MLIP: variants seen among roughly 807,000 people sequenced by gnomAD.
The protein encoded by MLIP is muscular LMNA interacting protein, also known as muscular LMNA-interacting protein.
MLIP carries 79 observed loss-of-function variants against 84.8 expected under a neutral mutation model. The ratio of observed to expected loss-of-function variants is 0.93; its 90% CI spans 0.78 to 1.12. The LOEUF (loss-of-function observed/expected upper bound fraction) is 1.12, where lower values mean the gene tolerates loss of function less well. Ranked by LOEUF, MLIP falls within the 50% of genes most tolerant of loss-of-function variation. MLIP has a pLI of 0.00. For synonymous variants in MLIP, 504 were observed against 463.0 expected (o/e 1.09, Z -1.14); for missense variants, 1,257 against 1,160.6 (o/e 1.08, Z -1.21).
chr6:54,047,725 A>G (rs1041914257), intron 1 of MLIP: 3 of 152,216 alleles, frequency 2.0e-5, no homozygotes, highest in Non-Finnish European at 4.4e-5. Flanking sequence ...AATGAAAACT[A>G]ATATCAACAA....
chr6:54,134,765 T>A (rs1039065577), intron 3 of MLIP, among the ~76,000 whole-genome samples: 2 of 152,038 alleles, frequency 1.3e-5, no homozygotes, highest in African/African-American at 2.4e-5. Context: ...ATAACTGAGT[T>A]TGTCATATAC....
intron 9 of MLIP, 99 bp downstream of exon 9, chr6:54,169,671 G>T (rs1210310256): frequency 1.4e-5 from 10 of 717,882 alleles, no homozygotes; most frequent in African/African-American, 1.3e-4. Flanking sequence ...AGAATTAATT[G>T]TTTTTTTATA....
intron 12 of MLIP, among the ~76,000 whole-genome samples, chr6:54,249,771 G>C (rs978287932): frequency 1.3e-5 from 2 of 150,526 alleles, no homozygotes; most frequent in African/African-American, 2.5e-5. Flanking sequence ...ATATACACAT[G>C]TATACACGTG....
chr6:54,191,104 C>G (rs1256893428), intron 10 of MLIP, among the ~76,000 whole-genome samples: 4 of 151,982 alleles, frequency 2.6e-5, no homozygotes, highest in Non-Finnish European at 2.9e-5. Context: ...CAAAGATTTT[C>G]TTAATATCTT....
Position 54,250,246 on chromosome 6 carries a change from T to G in MLIP, c.2923-7062T>G, listed in dbSNP as rs573755571. 2.0e-5 allele frequency among the ~76,000 whole-genome samples: 3 copies of G among 152,084 alleles called. No homozygotes were observed. The South Asian group carries it at 6.3e-4, about 32-fold the overall frequency. On this transcript the variant is annotated intron_variant, in intron 12 of 13. Coordinates refer to ENST00000502396, the MANE Select transcript of MLIP (RefSeq NM_001281747.2). ...CGAGGTCATGGAGAAAAAGAAACAC[T>G]TATACACTGTTGGTGGGAGTGCAAA...
intron 3 of MLIP, among the ~76,000 whole-genome samples, chr6:54,135,000 C>A (rs1771683269): frequency 6.6e-6 from 1 of 151,846 alleles, no homozygotes; most frequent in African/African-American, 2.4e-5. Flanking sequence ...AAAAAATTCC[C>A]TGGATACACT....
intron 4 of MLIP, among the ~76,000 whole-genome samples, chr6:54,143,536 A>G (rs1034517636): frequency 6.6e-6 from 1 of 152,168 alleles, no homozygotes; most frequent in Non-Finnish European, 1.5e-5. Context: ...GGGAGTGTGC[A>G]GTTTAACTCA....
chr6:54,210,438 TCATTA>T (rs1779365320), intron 11 of MLIP, among the ~76,000 whole-genome samples: 1 of 152,172 alleles, frequency 6.6e-6, no homozygotes, highest in Admixed American at 6.5e-5. Context: ...ATCCTAAAAT[TCATTA>T]GAAGAACTTG....
intron 10 of MLIP, among the ~76,000 whole-genome samples, chr6:54,199,377 G>T (rs1195386858): frequency 6.6e-6 from 1 of 152,054 alleles, no homozygotes; most frequent in Non-Finnish European, 1.5e-5. Context: ...GAATTTACAA[G>T]AAATTGATGA....
chr6:54,249,983 TC>T (rs1782356835), intron 12 of MLIP, among the ~76,000 whole-genome samples: 1 of 151,942 alleles, frequency 6.6e-6, no homozygotes, highest in African/African-American at 2.4e-5. Flanking sequence ...CAGTGTCTGT[TC>T]CCTTTTATGT....
At chr6:54,133,945 A>G (rs1771597991) in intron 3 of MLIP, among the ~76,000 whole-genome samples, 1 of 152,156 alleles carries the variant, frequency 6.6e-6, no homozygotes, top group Non-Finnish European at 1.5e-5. Flanking sequence ...TGGTAGCTCT[A>G]GAGAGGTGTT....
chr6:54,117,851 C>T (rs1360584782), intron 1 of MLIP, among the ~76,000 whole-genome samples: 1 of 151,898 alleles, frequency 6.6e-6, no homozygotes, highest in East Asian at 2.0e-4. Context: ...AAGGCTGAAG[C>T]AGGAGAATGG....
intron 12 of MLIP, among the ~76,000 whole-genome samples, chr6:54,249,501 C>T (rs1223444524): frequency 4.0e-5 from 6 of 151,342 alleles, no homozygotes; most frequent in Admixed American, 2.0e-4. Flanking sequence ...ATATTTCTAT[C>T]GAGAGGAGCT....
intron 9 of MLIP, among the ~76,000 whole-genome samples, chr6:54,177,775 C>T (rs1000318338): frequency 1.3e-5 from 2 of 152,062 alleles, no homozygotes; most frequent in Non-Finnish European, 2.9e-5. Context: ...TTCACAATAG[C>T]AAAAAGATAG....
intron 1 of MLIP, among the ~76,000 whole-genome samples, chr6:54,026,350 G>A (rs1046114249): frequency 2.0e-5 from 3 of 152,130 alleles, no homozygotes; most frequent in East Asian, 1.9e-4. Context: ...AATAGTAACC[G>A]TGAATCCTGA....
chr6:54,235,763 G>A (rs528267840), intron 12 of MLIP, among the ~76,000 whole-genome samples: 8 of 152,280 alleles, frequency 5.3e-5, no homozygotes, highest in African/African-American at 1.9e-4. Context: ...TTTTATTGAA[G>A]GCTATATCCA....
chr6:54,136,331 T>C (rs1049883236), intron 3 of MLIP, among the ~76,000 whole-genome samples: 1 of 152,184 alleles, frequency 6.6e-6, no homozygotes, highest in Admixed American at 6.5e-5. Context: ...ATTCTTACAA[T>C]AGAAGAAAAT....
intron 12 of MLIP, among the ~76,000 whole-genome samples, chr6:54,233,005 C>T (rs577097444): frequency 1.1e-4 from 16 of 152,284 alleles, no homozygotes; most frequent in Middle Eastern, 6.8e-3. Context: ...TAAATCTTCA[C>T]CTTAATCCCT....
chr6:54,045,836 G>GT (rs1159912632), intron 1 of MLIP: 4 of 152,352 alleles, frequency 2.6e-5, no homozygotes, highest in Admixed American at 6.5e-5. Flanking sequence ...CTGTGGAACT[G>GT]TGAGCCAATT....
Sources: gnomAD v4.1 joint callset for allele counts (sites outside exome capture counted in the v4.1 genomes callset) on GRCh38, gnomAD v4.1.1 for gene constraint, MANE v1.5 for transcripts, NCBI Gene and HGNC (gene_info 2026-07-23, HGNC 2026-07-21) for gene names.